The following DHX8 variants were observed in gnomAD, a reference collection of about 807,000 sequenced individuals.
DHX8 encodes ATP-dependent RNA helicase DHX8.
A neutral mutation model predicts 140.7 loss-of-function variants in DHX8; 67 were observed. The observed-to-expected ratio is 0.48, with a 90% confidence interval of 0.39 to 0.58. The LOEUF (loss-of-function observed/expected upper bound fraction) is 0.58. Ranked by LOEUF, DHX8 falls within the 20% of genes least tolerant of loss-of-function variation. The probability of loss-of-function intolerance (pLI) is 0.00; values close to 1 mark genes in which losing one functional copy is unlikely to be tolerated. For missense variants in DHX8, 887 were observed against 1,550.7 expected (o/e 0.57, Z 7.19); for synonymous variants, 533 against 553.2 (o/e 0.96, Z 0.51).
intron 11 of DHX8, among the ~76,000 whole-genome samples, chr17:43,500,502 C>T (rs1198124039): frequency 2.0e-5 from 3 of 151,594 alleles, no homozygotes; most frequent in Non-Finnish European, 4.4e-5. Context: ...AAAAATTTAC[C>T]CTTGGTTTTT....
downstream of DHX8, chr17:43,528,497 C>A: frequency 6.5e-7 from 1 of 1,537,178 alleles, no homozygotes; most frequent in Non-Finnish European, 8.9e-7. Flanking sequence ...CCACCTGCGG[C>A]AGGGGGAACA....
chr17:43,492,039 G>A (rs1218571587), intron 4 of DHX8, 144 bp from the exon 5 acceptor site: 4 of 622,358 alleles, frequency 6.4e-6, no homozygotes, highest in African/African-American at 5.5e-5. Context: ...CATTTCTTCT[G>A]CATCTATCCT....
At chr17:43,507,426 C>A in intron 13 of DHX8, 77 bp from the exon 14 acceptor site, 1 of 1,375,412 alleles carries the variant, frequency 7.3e-7, no homozygotes, top group Non-Finnish European at 1.0e-6. Flanking sequence ...GTGAGAGTGA[C>A]TGGGCTGAAA....
At chr17:43,514,084 G>C (rs1012379536) in intron 17 of DHX8, among the ~76,000 whole-genome samples, 2 of 151,288 alleles carry the variant, frequency 1.3e-5, no homozygotes, top group African/African-American at 4.9e-5. Flanking sequence ...GCTCACACCT[G>C]TAATCCCAGC....
chr17:43,521,920 T>C, intron 21 of DHX8, 127 bp from the exon 22 acceptor site: 1 of 965,178 alleles, frequency 1.0e-6, no homozygotes, highest in Non-Finnish European at 1.6e-6. Flanking sequence ...TGTAGTACAC[T>C]TAGGGCTGGA....
At chr17:43,532,186 A>G (rs947185082) in intron 2 of DHX8, among the ~76,000 whole-genome samples, 1 of 152,128 alleles carries the variant, frequency 6.6e-6, no homozygotes, top group Non-Finnish European at 1.5e-5. Context: ...TTTAATCTGA[A>G]TATAGGTTTG....
At position 43,492,760 on chromosome 17, in the gene DHX8, G is replaced by T; in HGVS notation, c.583G>T (p.Asp195Tyr). Residue 195 changes from aspartate (D) to tyrosine (Y), a missense_variant, in exon 6 of 23, where the codon GAT becomes TAT. Transcript: ENST00000262415. ...DRDRDRERNR[D>Y]RDHKRRHRSR... The stretch of plus-strand genomic sequence containing the variant: ...AGACAGAGATAGGGAACGAAACCGA[G>T]ATAGAGACCACAAGCGGAGACACCG... 6.2e-7 allele frequency: 1 copy of T among 1,614,086 alleles called. No individual in the cohort carries two copies. Among genetic ancestry groups the T allele is most frequent in the Non-Finnish European group, 8.5e-7 (1 of 1,179,940 alleles).
intron 16 of DHX8, among the ~76,000 whole-genome samples, chr17:43,508,810 G>T (rs541736918): frequency 6.6e-6 from 1 of 151,844 alleles, no homozygotes; most frequent in African/African-American, 2.4e-5. Flanking sequence ...TAGTAGAGAC[G>T]GGGTTTCACC....
chr17:43,485,970 G>T (rs1175209792), intron 1 of DHX8, among the ~76,000 whole-genome samples: 2 of 152,174 alleles, frequency 1.3e-5, no homozygotes, highest in African/African-American at 4.8e-5. Context: ...GCCAAGACAG[G>T]CCGATCCCCT....
At chr17:43,501,347 G>T (rs776322350) in intron 11 of DHX8, among the ~76,000 whole-genome samples, 1 of 152,202 alleles carries the variant, frequency 6.6e-6, no homozygotes, top group Non-Finnish European at 1.5e-5. Context: ...AAGAAGGCTT[G>T]TGTGGATGGA....
intron 11 of DHX8, among the ~76,000 whole-genome samples, chr17:43,503,891 T>G (rs1439351337): frequency 2.6e-5 from 4 of 151,890 alleles, no homozygotes; most frequent in Non-Finnish European, 5.9e-5. Flanking sequence ...GAATATACAG[T>G]AAAACACTGA....
At chr17:43,533,250 T>C in intron 2 of DHX8, 1 of 1,613,870 alleles carries the variant, frequency 6.2e-7, no homozygotes, top group South Asian at 1.1e-5. Context: ...TCTCAGGAAA[T>C]TCCGTTGCTC....
intron 4 of DHX8, among the ~76,000 whole-genome samples, chr17:43,491,493 G>C (rs1197857207): frequency 1.3e-5 from 2 of 152,000 alleles, no homozygotes; most frequent in African/African-American, 4.8e-5. Flanking sequence ...TATGAAATAA[G>C]GTTCTGGAAC....
intron 9 of DHX8, among the ~76,000 whole-genome samples, chr17:43,497,948 G>T (rs926576992): frequency 6.6e-6 from 1 of 152,152 alleles, no homozygotes. Flanking sequence ...CCACAATGAA[G>T]TTGGATGGCA....
chr17:43,491,786 A>G (rs987919321), intron 4 of DHX8, among the ~76,000 whole-genome samples: 3 of 152,118 alleles, frequency 2.0e-5, no homozygotes, highest in African/African-American at 4.8e-5. Flanking sequence ...ACAAATAGGT[A>G]TGTAACATAG....
downstream of DHX8, among the ~76,000 whole-genome samples, chr17:43,530,607 C>CGTGT (rs1414343747): frequency 6.2e-3 from 861 of 138,728 alleles, 6 homozygotes; most frequent in Non-Finnish European, 7.2e-3. Context: ...TGTGCACGCG[C>CGTGT]GCGTGTGTGT....
In DHX8 at chr17:43,513,452, T is replaced by C; in HGVS notation, c.2593T>C (p.Tyr865His). 1 of 1,614,094 alleles carries C rather than the reference T, an allele frequency of 6.2e-7. No individual in the cohort carries two copies. The highest frequency in any genetic ancestry group is 8.5e-7 in the Non-Finnish European group (1 of 1,180,002). ...VDPGFVKQKV[Y>H]NSKTGIDQLV... ...CCCAGGATTCGTGAAACAGAAAGTT[T>C]ACAATTCCAAGACAGGGATTGACCA... Residue 865 changes from tyrosine to histidine, a missense_variant, in exon 17 of 23, where the codon TAC (tyrosine) becomes CAC (histidine). Transcript: ENST00000262415.
chr17:43,532,883 C>G lies in DHX8; in HGVS notation c.351-3529C>G, dbSNP rs1159895392. On this transcript the variant is annotated intron_variant, in intron 2 of 3. Transcript: ENST00000589898. ...GTAGGGGGCTGGGAGGGGTTCCCGG[C>G]CCCCTCCCTGAGATGTGAAGGAGTG... 3.1e-6 allele frequency: 5 copies of G among 1,603,512 alleles called. No homozygotes were observed. Among genetic ancestry groups the G allele is most frequent in the Admixed American group, 1.7e-5 (1 of 58,874 alleles).
intron 3 of DHX8, among the ~76,000 whole-genome samples, chr17:43,539,232 G>C (rs1971400370): frequency 6.6e-6 from 1 of 152,168 alleles, no homozygotes; most frequent in South Asian, 2.1e-4. Flanking sequence ...CCTTGCCTGT[G>C]AATCTGCAGC....
Sources: gnomAD v4.1 joint callset for allele counts (sites outside exome capture counted in the v4.1 genomes callset) on GRCh38, gnomAD v4.1.1 for gene constraint, MANE v1.5 for transcripts, NCBI Gene and HGNC (gene_info 2026-07-23, HGNC 2026-07-21) for gene names.